The following ALPK1 variants were observed in gnomAD, a reference collection of about 807,000 sequenced individuals.
ALPK1 encodes the protein alpha kinase 1.
In ALPK1, 110 loss-of-function variants were observed where a neutral mutation model predicts 120.6. The ratio of observed to expected loss-of-function variants is 0.91; its 90% CI spans 0.78 to 1.07. The LOEUF is 1.07. ALPK1 is among the 50% of genes least tolerant of loss of function. ALPK1 has a pLI of 0.00. For missense variants in ALPK1, 1,498 were observed against 1,483.9 expected (o/e 1.01, Z -0.16); for synonymous variants, 582 against 560.3 (o/e 1.04, Z -0.55).
intron 5 of ALPK1, chr4:112,415,002 CACAGGCT>C (rs1733670699): frequency 6.6e-6 from 1 of 152,134 alleles, no homozygotes; most frequent in Non-Finnish European, 1.5e-5. Context: ...TAAAGGTTTG[CACAGGCT>C]ACAAAAGGAG....
At position 112,439,712 on chromosome 4, in the gene ALPK1, A is replaced by T; in HGVS notation, c.3378A>T (p.Gly1126=). 1 of 1,609,360 alleles carries T rather than the reference A, an allele frequency of 6.2e-7. No homozygotes were observed. Among genetic ancestry groups the T allele is most frequent in the South Asian group, 1.1e-5 (1 of 90,362 alleles). The part of the protein sequence containing the change: ...LLILEDKTIK[G]CISVEPYILG... The stretch of plus-strand genomic sequence containing the variant: ...TTTTAGAGGACAAGACAATAAAGGG[A>T]TGTATCAGTGTGGAGCCTTACATAC... The change falls in exon 14 of 16, where the codon GGA becomes GGT. Residue 1126 remains glycine, a synonymous_variant. Transcript: ENST00000650871.
At chr4:112,385,509 C>T (rs941397396) in intron 4 of ALPK1, among the ~76,000 whole-genome samples, 1 of 152,160 alleles carries the variant, frequency 6.6e-6, no homozygotes, top group Admixed American at 6.5e-5. Context: ...GCTTGCCCAG[C>T]AAGCTATAAA....
intron 5 of ALPK1, among the ~76,000 whole-genome samples, chr4:112,422,175 G>A (rs1040870816): frequency 6.6e-6 from 1 of 152,154 alleles, no homozygotes; most frequent in African/African-American, 2.4e-5. Flanking sequence ...ACTCAGAACG[G>A]CACGCAATTT....
At chr4:112,430,402 C>A in intron 10 of ALPK1, 46 bp from the exon 11 acceptor site, 1 of 1,483,498 alleles carries the variant, frequency 6.7e-7, no homozygotes, top group Non-Finnish European at 9.1e-7. Flanking sequence ...GATTCACTTG[C>A]AGTTTTCAAT....
intron 5 of ALPK1, among the ~76,000 whole-genome samples, chr4:112,419,940 C>T (rs112304732): frequency 0.012 from 1,790 of 152,274 alleles, 13 homozygotes; most frequent in Non-Finnish European, 0.019. Context: ...ACGTAATAAA[C>T]GGTAGCTCTT....
At position 112,432,574 on chromosome 4, in the gene ALPK1, A is replaced by G; in HGVS notation, c.3027A>G (p.Arg1009=). 10 of 1,611,412 alleles carry G rather than the reference A, an allele frequency of 6.2e-6. No individual in the cohort carries two copies. Among genetic ancestry groups the G allele is most frequent in the African/African-American group, 1.3e-5 (1 of 74,922 alleles). ...TTTTTAAGCCCAGTCAACTCCACCG[A>G]GCACATAGTAAGTACAATCTTTTCA... ...TGVFKPSQLH[R]AHSALLLKYS... The change falls in exon 11 of 16, where the codon CGA becomes CGG. Residue 1009 remains arginine, a synonymous_variant. Coordinates refer to ENST00000650871, the MANE Select transcript of ALPK1 (RefSeq NM_025144.4).
chr4:112,356,829 G>C, intron 2 of ALPK1: 1 of 727,694 alleles, frequency 1.4e-6, no homozygotes, highest in African/African-American at 1.7e-5. Context: ...GATGCCAAGA[G>C]CCGCAGAGCA....
At position 112,426,490 on chromosome 4, in the gene ALPK1, T is replaced by C. The variant is rs771186388; in HGVS notation, c.646T>C (p.Leu216=). ...AGGGATGTGGTACGAAGCAGCAGAG[T>C]TAATATGGGCCTCCATTGTAGGATA... ...KLGMWYEAAE[L]IWASIVGYLA... is the part of the protein sequence containing the mutation. The change falls in exon 8 of 16, where the codon TTA becomes CTA. Residue 216 remains leucine (L), a synonymous_variant. Transcript: ENST00000650871. 6.2e-7 allele frequency: 1 copy of C among 1,604,632 alleles called. No homozygotes were observed.
At chr4:112,384,006 G>A (rs1399917903) in intron 4 of ALPK1, 2 of 152,120 alleles carry the variant, frequency 1.3e-5, no homozygotes, top group African/African-American at 4.8e-5. Context: ...AAAACAGAAT[G>A]GTTGTAGTCT....
chr4:112,432,403 T>C lies in ALPK1; in HGVS notation c.2856T>C (p.Asn952=), dbSNP rs1312004072. ...SEGDSPWSYL[N]SSGSSWVSLP... ...GGGACAGCCCTTGGTCCTATCTGAA[T>C]TCCAGTGGGAGTTCTTGGGTTTCAT... is the stretch of plus-strand genomic sequence containing the variant. The change falls in exon 11 of 16, where the codon AAT becomes AAC. Residue 952 remains asparagine (N), a synonymous_variant. Transcript: ENST00000650871. 6.2e-7 allele frequency: 1 copy of C among 1,614,060 alleles called. No homozygotes were observed. Among genetic ancestry groups the C allele is most frequent in the African/African-American group, 1.3e-5 (1 of 74,928 alleles).
intron 4 of ALPK1, among the ~76,000 whole-genome samples, chr4:112,406,896 A>G (rs1352810311): frequency 6.6e-6 from 1 of 152,210 alleles, no homozygotes; most frequent in Non-Finnish European, 1.5e-5. Context: ...CTTCTGTCCA[A>G]TCACATTTCT....
intron 1 of ALPK1, among the ~76,000 whole-genome samples, chr4:112,298,884 C>A (rs1245049242): frequency 1.3e-5 from 2 of 152,114 alleles, no homozygotes; most frequent in Non-Finnish European, 2.9e-5. Context: ...AACAATTTTA[C>A]TGATCCCTTT....
Position 112,430,871 on chromosome 4 carries a change from G to A in ALPK1, c.1324G>A (p.Asp442Asn). ...TCCCGAGAGTTTCGAGTGCAGGTTGGATAAACTTATCTTGCATGGGCAAGG... is the reference window on the plus strand; with the variant it reads ...TCCCGAGAGTTTCGAGTGCAGGTTGAATAAACTTATCTTGCATGGGCAAGG... ...YVPESFECRL[D>N]KLILHGQGDF... Residue 442 changes from aspartate to asparagine, a missense_variant, in exon 11 of 16, where the codon GAT (aspartate) becomes AAT (asparagine). By Grantham distance (23) the Asp-to-Asn change is conservative. Coordinates refer to ENST00000650871, the MANE Select transcript of ALPK1 (RefSeq NM_025144.4). The A allele has an allele frequency of 6.2e-7, 1 of 1,614,136 alleles. No individual in the cohort carries two copies. Among genetic ancestry groups the A allele is most frequent in the Admixed American group, 1.7e-5 (1 of 60,038 alleles).
chr4:112,395,324 C>G (rs1276797952), intron 4 of ALPK1, among the ~76,000 whole-genome samples: 3 of 152,164 alleles, frequency 2.0e-5, no homozygotes, highest in African/African-American at 7.2e-5. Context: ...ACAAGATTAT[C>G]TCACTCACAA....
intron 6 of ALPK1, 77 bp from the exon 7 acceptor site, chr4:112,425,588 A>T: frequency 8.2e-7 from 1 of 1,222,170 alleles, no homozygotes; most frequent in Non-Finnish European, 1.2e-6. Flanking sequence ...GTGCTCATGA[A>T]GACTTCTGTG....
chr4:112,307,269 G>A (rs1192503042), intron 1 of ALPK1, among the ~76,000 whole-genome samples: 22 of 151,980 alleles, frequency 1.4e-4, no homozygotes, highest in Non-Finnish European at 2.4e-4. Context: ...TATTAGGTCC[G>A]CTTGGTGCAG....
chr4:112,375,204 A>C (rs1578513333), intron 2 of ALPK1, among the ~76,000 whole-genome samples: 1 of 143,334 alleles, frequency 7.0e-6, no homozygotes, highest in East Asian at 2.0e-4. Flanking sequence ...TTTTTGAGAC[A>C]GAGACTTGCT....
chr4:112,331,364 C>G (rs1047331539), intron 2 of ALPK1, among the ~76,000 whole-genome samples: 27 of 152,180 alleles, frequency 1.8e-4, no homozygotes, highest in African/African-American at 6.0e-4. Flanking sequence ...AGAGGTCCAT[C>G]CATATCCATA....
At chr4:112,413,706 G>C (rs1008664130) in intron 5 of ALPK1, among the ~76,000 whole-genome samples, 6 of 152,180 alleles carry the variant, frequency 3.9e-5, no homozygotes, top group Admixed American at 2.6e-4. Context: ...GGTGCAAGCT[G>C]CCATGCCTGA....
Sources: allele counts gnomAD v4.1 joint callset (sites outside exome capture counted in the v4.1 genomes callset), GRCh38; gene constraint gnomAD v4.1.1; transcripts MANE v1.5; gene names NCBI Gene and HGNC (gene_info 2026-07-23, HGNC 2026-07-21).